Variants in KIAA1210 observed in about 807,000 individuals in gnomAD.
The protein encoded by KIAA1210 is KIAA1210, also known as acrosomal protein KIAA1210.
A neutral mutation model predicts 78.9 loss-of-function variants in KIAA1210; 48 were observed. That is an observed-to-expected ratio of 0.61 (90% CI 0.48 to 0.77). KIAA1210 has a LOEUF of 0.77. Among genes scored for constraint, KIAA1210 ranks in the 30% least tolerant of loss-of-function variants. The pLI is 0.00. For missense variants in KIAA1210, 1,108 were observed against 1,100.0 expected, an observed-to-expected ratio of 1.01 and a Z score of -0.10; for synonymous variants, 406 against 404.5, an observed-to-expected ratio of 1.00 and a Z score of -0.04.
chrX:119,118,239 T>G (rs887399770), intron 2 of KIAA1210, among the ~76,000 whole-genome samples: 2 of 111,850 alleles, frequency 1.8e-5, no homozygotes, highest in African/African-American at 6.5e-5. Flanking sequence ...TAGGCTTGAA[T>G]TCACTATCAA....
intron 2 of KIAA1210, among the ~76,000 whole-genome samples, chrX:119,135,315 C>G (rs28616029): frequency 0.37 from 41,162 of 111,010 alleles, 5,791 homozygotes; most frequent in East Asian, 0.69. Context: ...CCATTAGCAG[C>G]CCCCAACACC....
At chrX:119,146,306 T>C (rs999776477) in intron 2 of KIAA1210, among the ~76,000 whole-genome samples, 1 of 112,140 alleles carries the variant, frequency 8.9e-6, no homozygotes, top group African/African-American at 3.2e-5. Context: ...AAATATTCCA[T>C]TGTCAATCAA....
intron 2 of KIAA1210, among the ~76,000 whole-genome samples, chrX:119,117,151 T>G (rs1329855221): frequency 3.6e-5 from 4 of 112,052 alleles, no homozygotes; most frequent in Non-Finnish European, 7.5e-5. Flanking sequence ...AATCCAAGTC[T>G]AAGTGGCAGT....
chrX:119,127,923 C>T (rs968942851), upstream of KIAA1210, among the ~76,000 whole-genome samples: 1 of 111,323 alleles, frequency 9.0e-6, no homozygotes, highest in Non-Finnish European at 1.9e-5. Context: ...ACCACACTCC[C>T]TTAATTTTCC....
At chrX:119,142,212 C>T (rs1384864602) in intron 2 of KIAA1210, among the ~76,000 whole-genome samples, 1 of 111,956 alleles carries the variant, frequency 8.9e-6, no homozygotes, top group African/African-American at 3.2e-5. Context: ...GTTCATTGAG[C>T]TCCTGATATG....
chrX:119,088,813 C>T lies in KIAA1210; in HGVS notation c.1889G>A (p.Gly630Glu). Residue 630 changes from glycine to glutamate, a missense_variant, in exon 9 of 12, where the codon GGG becomes GAG. By Grantham distance (98) the Gly-to-Glu change is moderately conservative. This residue lies in a region of KIAA1210 where 672 missense variants were observed against 607.1 expected (regional missense o/e 1.11). Transcript: ENST00000691062. ...LAHGHSSQSLGKFEDEQEVFS... is the reference protein window; with the variant it reads ...LAHGHSSQSLEKFEDEQEVFS... ...GACTTCTTGTTCATCTTCAAACTTC[C>T]CCAAGGACTGGGAAGAGTGACCATG... is the stretch of plus-strand genomic sequence containing the variant. The T allele has an allele frequency of 8.3e-7, 1 of 1,211,421 alleles. No individual in the cohort carries two copies. Among genetic ancestry groups the T allele is most frequent in the Non-Finnish European group, 1.1e-6 (1 of 895,349 alleles).
chrX:119,121,973 T>C (rs1928476048), intron 2 of KIAA1210, among the ~76,000 whole-genome samples: 1 of 103,922 alleles, frequency 9.6e-6, no homozygotes, highest in Non-Finnish European at 2.1e-5. Context: ...TTTCACCGTG[T>C]TAGACAGGAT....
intron 3 of KIAA1210, among the ~76,000 whole-genome samples, chrX:119,112,996 A>G (rs143619330): frequency 2.7e-5 from 3 of 112,410 alleles, no homozygotes; most frequent in African/African-American, 6.5e-5. Flanking sequence ...TGCAATGGAC[A>G]GTCAGTAGCA....
At chrX:119,098,340 C>T (rs1212637813) in intron 6 of KIAA1210, among the ~76,000 whole-genome samples, 1 of 111,840 alleles carries the variant, frequency 8.9e-6, no homozygotes, top group East Asian at 2.8e-4. Context: ...GTGGTGGGCT[C>T]ACGCCTGTAA....
chrX:119,085,313 C>A (rs1480150228), intron 10 of KIAA1210, 70 bp downstream of exon 10: 1 of 1,044,508 alleles, frequency 9.6e-7, no homozygotes, highest in East Asian at 3.1e-5. Flanking sequence ...TGGCAAAGTT[C>A]CCAATAGAAA....
chrX:119,144,389 C>T (rs1344651594), intron 2 of KIAA1210, among the ~76,000 whole-genome samples: 1 of 112,800 alleles, frequency 8.9e-6, no homozygotes. Context: ...GAAAGCACAG[C>T]TGTGTAATGT....
At chrX:119,092,593 C>G (rs1365841992) in intron 8 of KIAA1210, among the ~76,000 whole-genome samples, 1 of 110,033 alleles carries the variant, frequency 9.1e-6, no homozygotes, top group Non-Finnish European at 1.9e-5. Flanking sequence ...AACTCCCTCT[C>G]TACTAAAAAT....
At chrX:119,094,332 G>A (rs1927489083) in intron 7 of KIAA1210, among the ~76,000 whole-genome samples, 1 of 111,996 alleles carries the variant, frequency 8.9e-6, no homozygotes, top group Non-Finnish European at 1.9e-5. Flanking sequence ...TGGATGGGCT[G>A]AAGTTGGTTT....
chrX:119,082,863 A>G (rs1029630353), intron 11 of KIAA1210, among the ~76,000 whole-genome samples, 152 bp downstream of exon 11: 1 of 112,497 alleles, frequency 8.9e-6, no homozygotes, highest in African/African-American at 3.2e-5. Flanking sequence ...TTCCTAAAAT[A>G]AGCTAATATT....
At chrX:119,091,157 C>T (rs1181026583) in intron 8 of KIAA1210, among the ~76,000 whole-genome samples, 2 of 112,220 alleles carry the variant, frequency 1.8e-5, no homozygotes, top group East Asian at 5.6e-4. Flanking sequence ...GAGGGAAATG[C>T]AAATTGAAAC....
intron 2 of KIAA1210, among the ~76,000 whole-genome samples, chrX:119,141,445 CTTCTT>C (rs1295186213): frequency 8.9e-6 from 1 of 112,300 alleles, no homozygotes; most frequent in Admixed American, 9.4e-5. Flanking sequence ...GTCCATATCT[CTTCTT>C]TTCCTGTTCT....
At position 119,081,202 on chromosome X, in the gene KIAA1210, G is replaced by T; in HGVS notation, c.*127C>A. The T allele has an allele frequency of 2.0e-6, 1 of 494,803 alleles. No homozygotes were observed. The highest frequency in any genetic ancestry group is 4.4e-5 in the East Asian group (1 of 22,968). 40.8% of individuals were successfully genotyped at this position (494,803 alleles called of 1,213,427 possible). A position where few individuals can be genotyped will look rare whatever the true frequency, so the allele number is the denominator to read the frequency against. Reference sequence around the variant, plus strand: ...GAGTGGCGTGAACCCGGGAGGCGGAGCTTGCAGTGAGCGGAGATCGCGCCA... The same window carrying T: ...GAGTGGCGTGAACCCGGGAGGCGGATCTTGCAGTGAGCGGAGATCGCGCCA... On this transcript the variant is annotated 3_prime_UTR_variant, in exon 12 of 12. Transcript: ENST00000691062.
intron 3 of KIAA1210, among the ~76,000 whole-genome samples, chrX:119,112,156 A>ACATGGCT (rs1326844283): frequency 9.0e-6 from 1 of 111,247 alleles, no homozygotes; most frequent in Non-Finnish European, 1.9e-5. Context: ...CTTCCCCTTT[A>ACATGGCT]TCCTCTGCCA....
Position 119,088,836 on chromosome X carries a change from A to G in KIAA1210, c.1866T>C (p.His622=), listed in dbSNP as rs1331779225. 1 of 1,209,849 alleles carries G rather than the reference A, an allele frequency of 8.3e-7. No individual in the cohort carries two copies. The highest frequency in any genetic ancestry group is 1.1e-6 in the Non-Finnish European group (1 of 895,069). Residue 622 remains histidine, a synonymous_variant, in exon 9 of 12, where the codon CAT becomes CAC. Transcript: ENST00000691062. ...TCCCCAAGGACTGGGAAGAGTGACC[A>G]TGAGCCAGTTCTTCAGAACCATCCC... The part of the protein sequence containing the change: ...EEGDGSEELA[H]GHSSQSLGKF...
Sources: gnomAD v4.1 joint callset for allele counts (sites outside exome capture counted in the v4.1 genomes callset) on GRCh38, gnomAD v4.1.1 for gene constraint, gnomAD v4.1.1 regional missense constraint, MANE v1.5 for transcripts, NCBI Gene and HGNC (gene_info 2026-07-23, HGNC 2026-07-21) for gene names.